Variants in TULP4 observed in about 807,000 individuals in gnomAD.
The protein encoded by TULP4 is TUB like protein 4.
In TULP4, 16 loss-of-function variants were observed where a neutral mutation model predicts 129.0. The ratio of observed to expected loss-of-function variants is 0.12; its 90% confidence interval spans 0.08 to 0.19. TULP4 has a LOEUF of 0.19. Among genes scored for constraint, TULP4 ranks in the 10% least tolerant of loss-of-function variants. The probability of loss-of-function intolerance (pLI) is 1.00; values close to 1 mark genes in which losing one functional copy is unlikely to be tolerated. For synonymous variants in TULP4, 998 were observed against 854.0 expected, an observed-to-expected ratio of 1.17 and a Z score of -2.94; for missense variants, 1,842 against 2,059.1, an observed-to-expected ratio of 0.89 and a Z score of 2.04.
chr6:158,463,984 T>C (rs1419653189), intron 6 of TULP4, among the ~76,000 whole-genome samples: 1 of 152,224 alleles, frequency 6.6e-6, no homozygotes, highest in Non-Finnish European at 1.5e-5. Context: ...AACTACTCCC[T>C]GTTTCTCCCT....
At chr6:158,238,001 G>C in intron 1 of TULP4, 1 of 720,584 alleles carries the variant, frequency 1.4e-6, no homozygotes, top group Admixed American at 1.8e-5. Context: ...AAGGACAAAT[G>C]AGCAGGAGAT....
intron 1 of TULP4, among the ~76,000 whole-genome samples, chr6:158,335,514 C>T (rs2114731299): frequency 6.6e-6 from 1 of 152,052 alleles, no homozygotes; most frequent in South Asian, 2.1e-4. Flanking sequence ...GTCAAAACCA[C>T]ATAAAAAGGT....
chr6:158,348,789 T>C (rs1278335042), intron 1 of TULP4, among the ~76,000 whole-genome samples: 1,001 of 26,930 alleles, frequency 0.037, no homozygotes, highest in Middle Eastern at 0.14. Context: ...CCTCACTTCC[T>C]ATACGGGGCG....
intron 1 of TULP4, among the ~76,000 whole-genome samples, chr6:158,264,805 A>G (rs1460409480): frequency 6.6e-6 from 1 of 152,180 alleles, no homozygotes; most frequent in Non-Finnish European, 1.5e-5. Context: ...AGTTCTACAG[A>G]CCATCAGTGC....
intron 2 of TULP4, among the ~76,000 whole-genome samples, chr6:158,426,341 GTT>G (rs1202086197): frequency 3.9e-5 from 6 of 152,166 alleles, no homozygotes; most frequent in African/African-American, 1.4e-4. Flanking sequence ...GTCTTCAGAG[GTT>G]TTTATTGTTT....
intron 1 of TULP4, among the ~76,000 whole-genome samples, chr6:158,411,130 A>G (rs1240716086): frequency 6.6e-6 from 1 of 151,788 alleles, no homozygotes; most frequent in Non-Finnish European, 1.5e-5. Context: ...AAAAGTGAAA[A>G]AAAAAAAAAA....
chr6:158,501,823 G>A lies in TULP4; in HGVS notation c.2160G>A (p.Gln720=), dbSNP rs1325268351. 6.2e-7 allele frequency: 1 copy of A among 1,614,120 alleles called. No homozygotes were observed. ...CCCTACTGGCCAATCAGAATGTGCA[G>A]CTAGATGTCCTGACCAACCAGACGA... is the stretch of plus-strand genomic sequence containing the variant. The part of the protein sequence containing the change: ...VQSLLANQNV[Q]LDVLTNQTTA... The change falls in exon 13 of 14, where the codon CAG becomes CAA. Residue 720 remains glutamine, a synonymous_variant. Coordinates refer to ENST00000367097, the MANE Select transcript of TULP4 (RefSeq NM_020245.5).
intron 3 of TULP4, among the ~76,000 whole-genome samples, chr6:158,437,393 C>T (rs569352125): frequency 6.6e-6 from 1 of 152,150 alleles, no homozygotes; most frequent in Admixed American, 6.5e-5. Context: ...AAGACCCCAT[C>T]TCTACAAAAA....
chr6:158,317,412 C>G (rs1183686288), intron 1 of TULP4, among the ~76,000 whole-genome samples: 2 of 148,026 alleles, frequency 1.4e-5, no homozygotes, highest in South Asian at 4.3e-4. Flanking sequence ...TGAGAACATG[C>G]GGTGTTTGGT....
intron 1 of TULP4, among the ~76,000 whole-genome samples, chr6:158,266,498 T>C (rs1778449148): frequency 6.6e-6 from 1 of 152,224 alleles, no homozygotes; most frequent in South Asian, 2.1e-4. Flanking sequence ...TCTAGCAATC[T>C]GCCCATCTTG....
chr6:158,378,485 T>TTTTTTTTGGGG (rs1554285635), intron 1 of TULP4, among the ~76,000 whole-genome samples: 1 of 51,288 alleles, frequency 1.9e-5, no homozygotes, highest in Non-Finnish European at 3.9e-5. Flanking sequence ...TTTTTTTTTT[T>TTTTTTTTGGGG]GGTGGGGGTG....
intron 5 of TULP4, among the ~76,000 whole-genome samples, chr6:158,460,788 C>T (rs180714883): frequency 1.0e-3 from 153 of 152,194 alleles, no homozygotes; most frequent in African/African-American, 3.5e-3. Flanking sequence ...ACTTTGTTTT[C>T]GATGTGCTTT....
chr6:158,436,558 A>T (rs899295467), intron 3 of TULP4, among the ~76,000 whole-genome samples: 1 of 152,236 alleles, frequency 6.6e-6, no homozygotes. Context: ...CTTGTTTAGA[A>T]GGCAGTTGTT....
At chr6:158,364,332 G>C (rs1433359595) in intron 1 of TULP4, among the ~76,000 whole-genome samples, 1 of 152,142 alleles carries the variant, frequency 6.6e-6, no homozygotes, top group Non-Finnish European at 1.5e-5. Context: ...TTTGGTCTCA[G>C]CCATGAATTA....
intron 1 of TULP4, among the ~76,000 whole-genome samples, chr6:158,351,609 A>G (rs112460589): frequency 3.3e-5 from 5 of 151,846 alleles, no homozygotes; most frequent in South Asian, 2.1e-4. Flanking sequence ...GACTTTACAA[A>G]CTTAGACACC....
Position 158,510,719 on chromosome 6 carries a change from T to C in TULP4, c.*4025T>C, listed in dbSNP as rs1260067867. Reference sequence around the variant, plus strand: ...AGGTAAGAAGGAGTCTCCACGGGTGTGCCCTGCTCAGCTGGATGTCCATGA... The same window carrying C: ...AGGTAAGAAGGAGTCTCCACGGGTGCGCCCTGCTCAGCTGGATGTCCATGA... On this transcript the variant is annotated 3_prime_UTR_variant, in exon 14 of 14. Transcript: ENST00000367097. 1 of 152,176 alleles carries C rather than the reference T, an allele frequency of 6.6e-6. No individual in the cohort carries two copies. Among genetic ancestry groups the C allele is most frequent in the African/African-American group, 2.4e-5 (1 of 41,398 alleles). The allele number at this position is 152,176 out of a possible 1,614,324, so 9.4% of individuals were successfully genotyped here. A position where few individuals can be genotyped will look rare whatever the true frequency, so the allele number is the denominator to read the frequency against.
At chr6:158,242,555 C>T (rs968889305) in intron 1 of TULP4, 6 of 742,210 alleles carry the variant, frequency 8.1e-6, no homozygotes, top group Non-Finnish European at 1.5e-5. Flanking sequence ...TTCTGTTGAG[C>T]CTGTACTCGC....
chr6:158,337,106 T>C (rs201544804), intron 1 of TULP4, among the ~76,000 whole-genome samples: 8 of 145,578 alleles, frequency 5.5e-5, no homozygotes, highest in Non-Finnish European at 1.0e-4. Context: ...CTCTCTTTTT[T>C]TCTCTCTCTC....
chr6:158,344,415 G>A (rs779855612), intron 1 of TULP4, among the ~76,000 whole-genome samples: 2 of 152,132 alleles, frequency 1.3e-5, no homozygotes, highest in Non-Finnish European at 2.9e-5. Flanking sequence ...TTTACAAATT[G>A]AAGTTCCCGC....
Sources: gnomAD v4.1 joint callset for allele counts (sites outside exome capture counted in the v4.1 genomes callset) on GRCh38, gnomAD v4.1.1 for gene constraint, MANE v1.5 for transcripts, NCBI Gene and HGNC (gene_info 2026-07-23, HGNC 2026-07-21) for gene names.